Variants in CFAP299 observed in about 807,000 individuals in gnomAD.
The protein encoded by CFAP299 is cilia and flagella associated protein 299, also known as cilia- and flagella-associated protein 299.
Under a neutral mutation model 27.0 loss-of-function variants are expected in CFAP299, and 21 were observed. The observed-to-expected ratio is 0.78, with a 90% CI of 0.55 to 1.12. The LOEUF is 1.12. Among genes scored for constraint, CFAP299 ranks in the 50% most tolerant of loss-of-function variants. The pLI is 0.00. For missense variants in CFAP299, 310 were observed against 276.6 expected (o/e 1.12, Z -0.86); for synonymous variants, 104 against 98.1 (o/e 1.06, Z -0.36).
chr4:80,500,986 A>G (rs1289151356), intron 2 of CFAP299, among the ~76,000 whole-genome samples: 1 of 152,112 alleles, frequency 6.6e-6, no homozygotes, highest in African/African-American at 2.4e-5. Context: ...CAAAACGTGG[A>G]TAAGTAACTG....
At chr4:80,715,815 T>C (rs561636477) in intron 3 of CFAP299, among the ~76,000 whole-genome samples, 4 of 152,130 alleles carry the variant, frequency 2.6e-5, no homozygotes, top group African/African-American at 7.2e-5. Context: ...ATCACCACCA[T>C]TTTATTGATG....
At chr4:80,627,753 A>G (rs1455040415) in intron 3 of CFAP299, among the ~76,000 whole-genome samples, 1 of 152,026 alleles carries the variant, frequency 6.6e-6, no homozygotes. Flanking sequence ...ACTTACAAGA[A>G]ATATTTAGGA....
At chr4:80,734,594 T>C (rs1456257010) in intron 3 of CFAP299, among the ~76,000 whole-genome samples, 1 of 152,156 alleles carries the variant, frequency 6.6e-6, no homozygotes, top group African/African-American at 2.4e-5. Context: ...GTTTCATAGT[T>C]TGAGGTCTTA....
intron 2 of CFAP299, among the ~76,000 whole-genome samples, chr4:80,528,020 A>G (rs1024443596): frequency 1.3e-5 from 2 of 152,062 alleles, no homozygotes; most frequent in African/African-American, 2.4e-5. Flanking sequence ...CCCATCCACA[A>G]TTGGGATGAA....
chr4:80,861,437 G>A (rs1318905934), intron 3 of CFAP299, among the ~76,000 whole-genome samples: 1 of 152,146 alleles, frequency 6.6e-6, no homozygotes, highest in African/African-American at 2.4e-5. Flanking sequence ...CCCACTGTCT[G>A]GCACTCCCTA....
At chr4:80,577,865 G>T (rs1300170884) in intron 2 of CFAP299, among the ~76,000 whole-genome samples, 1 of 152,088 alleles carries the variant, frequency 6.6e-6, no homozygotes, top group Non-Finnish European at 1.5e-5. Context: ...TACTTTAACA[G>T]TTTTCCAATT....
At chr4:80,431,433 T>C (rs1397287981) in intron 2 of CFAP299, among the ~76,000 whole-genome samples, 1 of 147,376 alleles carries the variant, frequency 6.8e-6, no homozygotes, top group African/African-American at 2.5e-5. Context: ...TTTCCCTTCC[T>C]CCCTTCCTTT....
intron 2 of CFAP299, among the ~76,000 whole-genome samples, chr4:80,446,299 A>G (rs1728612640): frequency 6.6e-6 from 1 of 152,336 alleles, no homozygotes; most frequent in Middle Eastern, 3.4e-3. Context: ...TCAAGCAGTC[A>G]TTGGATATAG....
chr4:80,322,621 C>A, the CFAP299 span, among the ~76,000 whole-genome samples: 1 of 152,152 alleles, frequency 6.6e-6, no homozygotes, highest in Non-Finnish European at 1.5e-5. Flanking sequence ...GTTCTGCTAT[C>A]ACTATTATTG....
intron 4 of CFAP299, among the ~76,000 whole-genome samples, chr4:80,886,740 G>T (rs1281074678): frequency 6.6e-6 from 1 of 152,112 alleles, no homozygotes; most frequent in Non-Finnish European, 1.5e-5. Flanking sequence ...TAAGGCATCA[G>T]GGACCAATCC....
At chr4:80,340,009 T>A (rs1268113599) in intron 1 of CFAP299, among the ~76,000 whole-genome samples, 1 of 152,222 alleles carries the variant, frequency 6.6e-6, no homozygotes, top group African/African-American at 2.4e-5. Context: ...GTCTTCCCAT[T>A]ATTTATAAAA....
At chr4:80,492,390 G>T (rs1731182735) in intron 2 of CFAP299, among the ~76,000 whole-genome samples, 1 of 152,132 alleles carries the variant, frequency 6.6e-6, no homozygotes, top group Admixed American at 6.5e-5. Context: ...TCAATGCACT[G>T]TCAGAATTAA....
intron 3 of CFAP299, among the ~76,000 whole-genome samples, chr4:80,789,941 TAA>T (rs370515557): frequency 2.0e-5 from 3 of 152,004 alleles, no homozygotes; most frequent in African/African-American, 7.2e-5. Context: ...CAGACAAATA[TAA>T]GTGTTAATAT....
intron 3 of CFAP299, among the ~76,000 whole-genome samples, chr4:80,634,005 T>C (rs1165969112): frequency 2.0e-5 from 3 of 148,952 alleles, no homozygotes; most frequent in South Asian, 2.1e-4. Context: ...TTTTTTTTTT[T>C]ACGAAATCTA....
intron 3 of CFAP299, among the ~76,000 whole-genome samples, chr4:80,637,715 A>G (rs1350308537): frequency 1.3e-5 from 2 of 152,220 alleles, no homozygotes; most frequent in Admixed American, 6.5e-5. Flanking sequence ...TAACAGAAAC[A>G]CTAGAACAAA....
At chr4:80,731,608 C>T (rs1005932958) in intron 3 of CFAP299, among the ~76,000 whole-genome samples, 1 of 152,136 alleles carries the variant, frequency 6.6e-6, no homozygotes, top group African/African-American at 2.4e-5. Context: ...ACCTCTTCCC[C>T]TCTTCTCTCT....
chr4:80,659,396 G>A (rs1740720799), intron 3 of CFAP299, among the ~76,000 whole-genome samples: 1 of 151,110 alleles, frequency 6.6e-6, no homozygotes, highest in Admixed American at 6.6e-5. Flanking sequence ...ATACACATAA[G>A]CAGCAAAGGA....
chr4:80,452,214 T>C lies in CFAP299; in HGVS notation c.242+89330T>C, dbSNP rs182415703. ...AATGTTGCAACCTGAATCCTTTACT[T>C]ACATTAAAGGAACATGTAGGCTTTG... On this transcript the variant is annotated intron_variant, in intron 2 of 5. Transcript: ENST00000358105. Among the ~76,000 whole-genome samples, 15 of 152,114 alleles carry C rather than the reference T, an allele frequency of 9.9e-5. No homozygotes were observed. In the South Asian group the frequency reaches 1.0e-3, roughly 11 times the overall value.
chr4:80,929,144 G>A (rs1407442844), intron 4 of CFAP299, among the ~76,000 whole-genome samples: 1 of 152,106 alleles, frequency 6.6e-6, no homozygotes, highest in Non-Finnish European at 1.5e-5. Flanking sequence ...TTCCCATCCA[G>A]TCTCTATGGC....
Sources: allele counts gnomAD v4.1 joint callset (sites outside exome capture counted in the v4.1 genomes callset), GRCh38; gene constraint gnomAD v4.1.1; transcripts MANE v1.5; gene names NCBI Gene and HGNC (gene_info 2026-07-23, HGNC 2026-07-21).